The following EPHA4 variants were observed in gnomAD, a reference collection of about 807,000 sequenced individuals.
The protein encoded by EPHA4 is EPH receptor A4, also known as ephrin type-A receptor 4.
In EPHA4, 19 loss-of-function variants were observed where a neutral mutation model predicts 108.3. The ratio of observed to expected loss-of-function variants is 0.18; its 90% confidence interval spans 0.12 to 0.26. The LOEUF (loss-of-function observed/expected upper bound fraction) is 0.26. Among genes scored for constraint, EPHA4 ranks in the 10% least tolerant of loss-of-function variants. EPHA4 has a pLI of 1.00. For missense variants in EPHA4, 917 were observed against 1,254.0 expected, an observed-to-expected ratio of 0.73 and a Z score of 4.06; for synonymous variants, 449 against 455.5, an observed-to-expected ratio of 0.99 and a Z score of 0.18.
chr2:221,537,969 T>C (rs1425983909), intron 3 of EPHA4, among the ~76,000 whole-genome samples: 1 of 152,234 alleles, frequency 6.6e-6, no homozygotes, highest in East Asian at 1.9e-4. Flanking sequence ...AAGGATTCAT[T>C]TGCATGAAAG....
intron 17 of EPHA4, among the ~76,000 whole-genome samples, chr2:221,421,036 C>G (rs1277381392): frequency 2.6e-5 from 4 of 152,190 alleles, no homozygotes; most frequent in South Asian, 2.1e-4. Context: ...CGGTGGCTCA[C>G]GCCTGTAATC....
chr2:221,525,412 G>A (rs1693294146), intron 3 of EPHA4, among the ~76,000 whole-genome samples: 2 of 152,174 alleles, frequency 1.3e-5, no homozygotes, highest in Admixed American at 1.3e-4. Flanking sequence ...GGTTAAAAAA[G>A]ATGAGGGAAA....
chr2:221,452,401 G>T (rs1690814411), intron 8 of EPHA4, among the ~76,000 whole-genome samples: 1 of 152,220 alleles, frequency 6.6e-6, no homozygotes, highest in African/African-American at 2.4e-5. Flanking sequence ...CTCACGAAAA[G>T]CCTGGGCCAG....
intron 11 of EPHA4, among the ~76,000 whole-genome samples, chr2:221,440,134 G>A (rs963873357): frequency 6.6e-6 from 1 of 152,216 alleles, no homozygotes; most frequent in Admixed American, 6.5e-5. Flanking sequence ...CTTCCCTGCA[G>A]TAGGCAGGGA....
chr2:221,516,485 G>T (rs2106169885), intron 3 of EPHA4, among the ~76,000 whole-genome samples: 1 of 151,836 alleles, frequency 6.6e-6, no homozygotes, highest in East Asian at 1.9e-4. Flanking sequence ...CTCCCAAGTA[G>T]CTGGGATTAG....
chr2:221,508,658 C>G, intron 3 of EPHA4, among the ~76,000 whole-genome samples: 1 of 151,618 alleles, frequency 6.6e-6, no homozygotes, highest in East Asian at 1.9e-4. Context: ...AATTATTTCT[C>G]AAACCAGTAT....
At chr2:221,528,650 A>T (rs1299228051) in intron 3 of EPHA4, among the ~76,000 whole-genome samples, 1 of 152,216 alleles carries the variant, frequency 6.6e-6, no homozygotes, top group African/African-American at 2.4e-5. Flanking sequence ...TTCCCAGATT[A>T]GGAAACTGAG....
chr2:221,464,784 T>G (rs1001980077), intron 5 of EPHA4, among the ~76,000 whole-genome samples: 1 of 152,288 alleles, frequency 6.6e-6, no homozygotes, highest in Non-Finnish European at 1.5e-5. Flanking sequence ...CAGCTTTTAG[T>G]TGCTACATCA....
chr2:221,535,207 C>T (rs79111292), intron 3 of EPHA4, among the ~76,000 whole-genome samples: 3,993 of 152,296 alleles, frequency 0.026, 72 homozygotes, highest in Non-Finnish European at 0.038. Context: ...TGCTGTTCCT[C>T]AACCTAAATT....
chr2:221,457,916 C>G lies in EPHA4; in HGVS notation c.1393G>C (p.Asp465His), dbSNP rs763223548. The G allele has an allele frequency of 6.2e-7, 1 of 1,613,944 alleles. No individual in the cohort carries two copies. Among genetic ancestry groups the G allele is most frequent in the East Asian group, 2.2e-5 (1 of 44,854 alleles). The change falls in exon 6 of 18, where the codon GAT (aspartate) becomes CAT (histidine). Residue 465 changes from aspartate (D) to histidine (H), a missense_variant. Transcript: ENST00000281821. ...TCCAGGATTACCCCATTGGGCCGAT[C>G]TGGTTCCAGCCAAGCCAGTGCCACA... ...YSVALAWLEP[D>H]RPNGVILEYE...
chr2:221,499,736 ATATATATATATATATATATAT>A (rs1418742152), intron 4 of EPHA4, among the ~76,000 whole-genome samples: 2 of 49,512 alleles, frequency 4.0e-5, no homozygotes, highest in East Asian at 6.0e-4. Flanking sequence ...ATATATATAT[ATATATATATATATATATATAT>A]TTTTTTTTTT....
chr2:221,507,828 C>T (rs1437295971), intron 3 of EPHA4, among the ~76,000 whole-genome samples: 1 of 152,144 alleles, frequency 6.6e-6, no homozygotes, highest in African/African-American at 2.4e-5. Context: ...TGGAGATTAC[C>T]TGAATCCAAA....
At chr2:221,511,439 C>G (rs1692825213) in intron 3 of EPHA4, among the ~76,000 whole-genome samples, 1 of 127,362 alleles carries the variant, frequency 7.9e-6, no homozygotes, top group Admixed American at 7.7e-5. Flanking sequence ...AAACACCAAC[C>G]TGTAACCAAT....
At chr2:221,547,518 A>G (rs1336643368) in intron 3 of EPHA4, among the ~76,000 whole-genome samples, 1 of 152,326 alleles carries the variant, frequency 6.6e-6, no homozygotes, top group East Asian at 1.9e-4. Context: ...GCCCAGTAAT[A>G]TACTCTTTGA....
chr2:221,437,070 T>G lies in EPHA4; in HGVS notation c.2127A>C (p.Ala709=). Residue 709 remains alanine (A), a synonymous_variant, in exon 12 of 18, where the codon GCA becomes GCC. Coordinates refer to ENST00000281821, the MANE Select transcript of EPHA4 (RefSeq NM_004438.5). The part of the protein sequence containing the change: ...TEYMENGSLD[A]FLRKNDGRFT... Reference sequence around the variant, plus strand: ...TAAAGTAGTCACATACCCTGAGGAATGCATCCAAGGAGCCATTCTCCATGT... The same window carrying G: ...TAAAGTAGTCACATACCCTGAGGAAGGCATCCAAGGAGCCATTCTCCATGT... The G allele has an allele frequency of 6.2e-7, 1 of 1,611,402 alleles. No homozygotes were observed. Among genetic ancestry groups the G allele is most frequent in the Non-Finnish European group, 8.5e-7 (1 of 1,178,116 alleles).
rs146023800 is a variant in EPHA4, at chr2:221,423,131, C to A, written c.*819+2078G>T. ...ATGTTGGAGGAAGAAGCGTACCTTT[C>A]TTCTGTGGAGCTCACCGTGTTTTAC... On this transcript the variant is annotated intron_variant, in intron 17 of 17. Coordinates refer to ENST00000281821, the MANE Select transcript of EPHA4 (RefSeq NM_004438.5). 3.2e-3 allele frequency among the ~76,000 whole-genome samples: 492 copies of A among 152,344 alleles called. 4 individuals carry two copies. Among genetic ancestry groups the A allele is most frequent in the South Asian group, 7.7e-3 (37 of 4,822 alleles).
chr2:221,549,707 G>A (rs1694105228), intron 3 of EPHA4, among the ~76,000 whole-genome samples: 1 of 152,252 alleles, frequency 6.6e-6, no homozygotes, highest in South Asian at 2.1e-4. Context: ...GCCGGGCGCA[G>A]TGGCTCACAT....
At chr2:221,467,580 G>C (rs1691350129) in intron 5 of EPHA4, among the ~76,000 whole-genome samples, 1 of 152,184 alleles carries the variant, frequency 6.6e-6, no homozygotes, top group African/African-American at 2.4e-5. Flanking sequence ...TTTAATGTCT[G>C]TTTTACAAGT....
Position 221,425,766 on chromosome 2 carries a change from T to C in EPHA4, c.*262A>G, listed in dbSNP as rs1689879789. The C allele has an allele frequency of 2.3e-6, 1 of 428,802 alleles. No homozygotes were observed. Among genetic ancestry groups the C allele is most frequent in the Non-Finnish European group, 4.2e-6 (1 of 237,934 alleles). The allele number at this position is 428,802 out of a possible 1,614,324, so 26.6% of individuals were successfully genotyped here. On this transcript the variant is annotated 3_prime_UTR_variant, in exon 17 of 18. Coordinates refer to ENST00000281821, the MANE Select transcript of EPHA4 (RefSeq NM_004438.5). Reference sequence around the variant, plus strand: ...AGTGTTCTATTTCTATAGGTACATGTATTTTACAGACTGGTGATGAACAGA... The same window carrying C: ...AGTGTTCTATTTCTATAGGTACATGCATTTTACAGACTGGTGATGAACAGA...
Sources: gnomAD v4.1 joint callset for allele counts (sites outside exome capture counted in the v4.1 genomes callset) on GRCh38, gnomAD v4.1.1 for gene constraint, MANE v1.5 for transcripts, NCBI Gene and HGNC (gene_info 2026-07-23, HGNC 2026-07-21) for gene names.